The following GSTCD variants were observed in gnomAD, a reference collection of about 807,000 sequenced individuals.
GSTCD encodes the protein glutathione S-transferase C-terminal domain containing.
In GSTCD, 44 loss-of-function variants were observed where a neutral mutation model predicts 68.3. That is an observed-to-expected ratio of 0.64 (90% CI 0.51 to 0.83). The LOEUF (loss-of-function observed/expected upper bound fraction) is 0.83. GSTCD is among the 40% of genes least tolerant of loss of function. GSTCD has a pLI of 0.00. For missense variants in GSTCD, 739 were observed against 735.9 expected (o/e 1.00, Z -0.05); for synonymous variants, 273 against 255.2 (o/e 1.07, Z -0.67).
At chr4:105,793,418 T>TA (rs1560831869) in intron 5 of GSTCD, among the ~76,000 whole-genome samples, 32 of 151,104 alleles carry the variant, frequency 2.1e-4, no homozygotes, top group South Asian at 8.4e-4. Flanking sequence ...GTTTTTTTTT[T>TA]TAAAAAAAAT....
chr4:105,788,238 A>C (rs1735538064), intron 5 of GSTCD, among the ~76,000 whole-genome samples: 1 of 152,110 alleles, frequency 6.6e-6, no homozygotes, highest in African/African-American at 2.4e-5. Context: ...AATATTTAGA[A>C]GTTATATTTC....
intron 1 of GSTCD, among the ~76,000 whole-genome samples, chr4:105,712,147 G>A (rs533617736): frequency 7.9e-5 from 12 of 152,202 alleles, no homozygotes; most frequent in Non-Finnish European, 1.5e-4. Context: ...TAAAGTTTCA[G>A]TTCATTAAGC....
intron 5 of GSTCD, among the ~76,000 whole-genome samples, chr4:105,740,759 T>C (rs1578425675): frequency 6.6e-6 from 1 of 152,266 alleles, no homozygotes; most frequent in East Asian, 1.9e-4. Context: ...TGATTTTTGT[T>C]CCAACTCTCC....
chr4:105,834,458 T>C lies in GSTCD; in HGVS notation c.1531-3T>C, dbSNP rs1291908520. On this transcript the variant is annotated splice_region_variant and splice_polypyrimidine_tract_variant and intron_variant, in intron 8 of 11. Transcript: ENST00000515279. Reference sequence around the variant, plus strand: ...AGTGCTAAGGCCTGGTTTTATTTTGTAGGTAGCATTGCATGCTTGTGGAGT... The same window carrying C: ...AGTGCTAAGGCCTGGTTTTATTTTGCAGGTAGCATTGCATGCTTGTGGAGT... The C allele has an allele frequency of 6.2e-7, 1 of 1,612,744 alleles. No homozygotes were observed. Among genetic ancestry groups the C allele is most frequent in the Admixed American group, 1.7e-5 (1 of 59,832 alleles).
chr4:105,775,567 C>T (rs1348254671), intron 5 of GSTCD, among the ~76,000 whole-genome samples: 1 of 152,094 alleles, frequency 6.6e-6, no homozygotes, highest in South Asian at 2.1e-4. Context: ...GATGCTATTC[C>T]TTTCTGTTTA....
chr4:105,733,055 G>C (rs897357359), intron 5 of GSTCD, among the ~76,000 whole-genome samples: 2 of 152,108 alleles, frequency 1.3e-5, no homozygotes, highest in Non-Finnish European at 2.9e-5. Flanking sequence ...GTCTGAGACA[G>C]TTTGTTATAA....
chr4:105,822,828 T>C, intron 5 of GSTCD, 126 bp from the exon 6 acceptor site: 1 of 594,532 alleles, frequency 1.7e-6, no homozygotes, highest in South Asian at 2.3e-5. Context: ...ATTTTATATG[T>C]ATGTATGTAT....
intron 5 of GSTCD, among the ~76,000 whole-genome samples, chr4:105,789,182 G>T (rs1202213603): frequency 6.6e-6 from 1 of 152,084 alleles, no homozygotes; most frequent in Non-Finnish European, 1.5e-5. Flanking sequence ...GTTAGAAAGG[G>T]ACTCAAAAGC....
intron 5 of GSTCD, among the ~76,000 whole-genome samples, chr4:105,760,829 A>G (rs116029759): frequency 6.6e-6 from 1 of 152,244 alleles, no homozygotes; most frequent in Non-Finnish European, 1.5e-5. Context: ...AGAAGCTTTA[A>G]TGTTAAAATC....
chr4:105,843,061 A>G (rs1578530443), intron 11 of GSTCD, among the ~76,000 whole-genome samples: 1 of 152,190 alleles, frequency 6.6e-6, no homozygotes, highest in African/African-American at 2.4e-5. Context: ...CTTTTCCTCC[A>G]TGATATACTA....
Position 105,825,747 on chromosome 4 carries a change from A to G in GSTCD, c.1477A>G (p.Ile493Val), listed in dbSNP as rs1469588790. ...KRSDELGLSNIWFIQANMEYF... is the reference protein window; with the variant it reads ...KRSDELGLSNVWFIQANMEYF... ...AAGTGATGAACTGGGTTTAAGCAACATTTGGTTCATTCAAGCAAATATGGA... is the reference window on the plus strand; with the variant it reads ...AAGTGATGAACTGGGTTTAAGCAACGTTTGGTTCATTCAAGCAAATATGGA... The change falls in exon 8 of 12, where the codon ATT (isoleucine) becomes GTT (valine). Residue 493 changes from isoleucine to valine, a missense_variant. Ile to Val is a conservative substitution (Grantham distance 29, BLOSUM62 3). Coordinates refer to ENST00000515279, the MANE Select transcript of GSTCD (RefSeq NM_001370181.1). The G allele has an allele frequency of 3.2e-6, 5 of 1,549,870 alleles. No individual in the cohort carries two copies. The highest frequency in any genetic ancestry group is 1.7e-4 in the Middle Eastern group (1 of 5,954).
intron 5 of GSTCD, among the ~76,000 whole-genome samples, chr4:105,799,586 C>T (rs1050170889): frequency 2.0e-5 from 3 of 152,084 alleles, no homozygotes; most frequent in Admixed American, 2.0e-4. Flanking sequence ...GCAGTGAGAA[C>T]ACACACAACA....
Position 105,845,707 on chromosome 4 carries a change from G to C in GSTCD, c.*130G>C, listed in dbSNP as rs968653378. On this transcript the variant is annotated 3_prime_UTR_variant, in exon 12 of 12. Transcript: ENST00000515279. The stretch of plus-strand genomic sequence containing the variant: ...GAACCTATTGTGCTCAGGAAGGAAA[G>C]CAACAGGGAAATCTTGGAAGTAAAG... The C allele has an allele frequency of 3.3e-6, 3 of 910,918 alleles. No homozygotes were observed. Among genetic ancestry groups the C allele is most frequent in the Non-Finnish European group, 5.0e-6 (3 of 599,574 alleles). 56.4% of individuals were successfully genotyped at this position (910,918 alleles called of 1,614,324 possible).
intron 5 of GSTCD, among the ~76,000 whole-genome samples, chr4:105,817,574 T>C (rs1723060862): frequency 6.6e-6 from 1 of 151,860 alleles, no homozygotes; most frequent in East Asian, 1.9e-4. Context: ...TTAGTGATAG[T>C]AGCCTCCAAT....
intron 5 of GSTCD, among the ~76,000 whole-genome samples, chr4:105,812,223 CT>C (rs1375074987): frequency 4.9e-4 from 74 of 152,218 alleles, no homozygotes; most frequent in African/African-American, 1.8e-3. Context: ...CTGAAAATTT[CT>C]TTAAATGTTA....
Position 105,717,666 on chromosome 4 carries a change from T to A in GSTCD, c.53T>A (p.Phe18Tyr). ...GAAGAAGAATACCTGTACCTGGACTTTTCTCACCAAACAGAAGGATGCATC... is the reference window on the plus strand; with the variant it reads ...GAAGAAGAATACCTGTACCTGGACTATTCTCACCAAACAGAAGGATGCATC... ...LTEEEYLYLD[F>Y]SHQTEGCIFP... The change falls in exon 2 of 12, where the codon TTT becomes TAT. Residue 18 changes from phenylalanine (F) to tyrosine (Y), a missense_variant. Transcript: ENST00000515279. The A allele has an allele frequency of 6.2e-7, 1 of 1,608,476 alleles. No homozygotes were observed. Among genetic ancestry groups the A allele is most frequent in the Non-Finnish European group, 8.5e-7 (1 of 1,178,096 alleles).
chr4:105,732,371 C>G (rs2149214363), intron 5 of GSTCD, among the ~76,000 whole-genome samples: 1 of 152,204 alleles, frequency 6.6e-6, no homozygotes, highest in African/African-American at 2.4e-5. Context: ...ATTTCAGAGC[C>G]TGTTATTGGT....
intron 8 of GSTCD, 85 bp from the exon 9 acceptor site, chr4:105,834,376 C>T (rs771287897): frequency 7.6e-7 from 1 of 1,316,536 alleles, no homozygotes; most frequent in African/African-American, 1.5e-5. Context: ...TTTGGTATGG[C>T]CAAATGAGAA....
chr4:105,744,633 C>T (rs1733741630), intron 5 of GSTCD, among the ~76,000 whole-genome samples: 1 of 152,134 alleles, frequency 6.6e-6, no homozygotes, highest in African/African-American at 2.4e-5. Flanking sequence ...GGCAACCTGA[C>T]TTTTGACCCC....
Sources: gnomAD v4.1 joint callset for allele counts (sites outside exome capture counted in the v4.1 genomes callset) on GRCh38, gnomAD v4.1.1 for gene constraint, MANE v1.5 for transcripts, NCBI Gene and HGNC (gene_info 2026-07-23, HGNC 2026-07-21) for gene names.